The following ARFGEF3 variants were observed in gnomAD, a reference collection of about 807,000 sequenced individuals.
The protein encoded by ARFGEF3 is brefeldin A-inhibited guanine nucleotide-exchange protein 3.
ARFGEF3 carries 96 observed loss-of-function variants against 221.7 expected under a neutral mutation model. The observed-to-expected ratio is 0.43, with a 90% CI of 0.37 to 0.51. ARFGEF3 has a LOEUF of 0.51. Ranked by LOEUF, ARFGEF3 falls within the 20% of genes least tolerant of loss-of-function variation. ARFGEF3 has a pLI of 0.00. For synonymous variants in ARFGEF3, 1,145 were observed against 1,126.8 expected (o/e 1.02, Z -0.32); for missense variants, 2,410 against 2,789.9 (o/e 0.86, Z 3.07).
intron 8 of ARFGEF3, among the ~76,000 whole-genome samples, chr6:138,248,572 ATGGTAG>A (rs1778527604): frequency 6.6e-6 from 1 of 152,208 alleles, no homozygotes; most frequent in Admixed American, 6.5e-5. Context: ...GGAGAGGCTC[ATGGTAG>A]TTATGCCAGT....
intron 22 of ARFGEF3, among the ~76,000 whole-genome samples, chr6:138,300,967 T>C (rs534461661): frequency 6.6e-6 from 1 of 152,296 alleles, no homozygotes; most frequent in African/African-American, 2.4e-5. Context: ...GGTGCAACGT[T>C]TGCATTCAAT....
chr6:138,200,873 G>T (rs555103214), intron 2 of ARFGEF3, among the ~76,000 whole-genome samples: 37 of 152,294 alleles, frequency 2.4e-4, no homozygotes, highest in African/African-American at 8.7e-4. Context: ...GGAATAGTCA[G>T]CAGAGTAAAC....
chr6:138,318,913 G>A (rs1779972650), intron 27 of ARFGEF3, among the ~76,000 whole-genome samples: 1 of 152,104 alleles, frequency 6.6e-6, no homozygotes, highest in South Asian at 2.1e-4. Flanking sequence ...AATAGTATGT[G>A]GCAATAAAAA....
At chr6:138,177,056 A>ACTTT (rs1265593352) in intron 2 of ARFGEF3, among the ~76,000 whole-genome samples, 2 of 143,630 alleles carry the variant, frequency 1.4e-5, no homozygotes, top group Non-Finnish European at 3.1e-5. Flanking sequence ...TTTCACTTTT[A>ACTTT]CTTTATTTAT....
Position 138,262,730 on chromosome 6 carries a change from T to G in ARFGEF3, c.1247T>G (p.Ile416Ser). 1.9e-6 allele frequency: 3 copies of G among 1,609,336 alleles called. No homozygotes were observed. The highest frequency in any genetic ancestry group is 2.6e-6 in the Non-Finnish European group (3 of 1,176,012). ...LIMDGMTEAC[I>S]KGGIEACYAA... is the part of the protein sequence containing the mutation. ...ATGGATGGCATGACCGAAGCATGCATCAAGGGTGGCATCGAAGCTTGCTAT... is the reference window on the plus strand; with the variant it reads ...ATGGATGGCATGACCGAAGCATGCAGCAAGGGTGGCATCGAAGCTTGCTAT... The change falls in exon 12 of 34, where the codon ATC becomes AGC. Residue 416 changes from isoleucine to serine, a missense_variant. Ile to Ser is a moderately radical substitution (Grantham distance 142). This residue lies in a region of ARFGEF3 where 570 missense variants were observed against 586.9 expected (regional missense o/e 0.97). Coordinates refer to ENST00000251691, the MANE Select transcript of ARFGEF3 (RefSeq NM_020340.5).
intron 2 of ARFGEF3, among the ~76,000 whole-genome samples, chr6:138,178,794 C>T (rs977112313): frequency 6.6e-6 from 1 of 152,172 alleles, no homozygotes; most frequent in Non-Finnish European, 1.5e-5. Context: ...AATGGAATCT[C>T]AGCTTTGGCA....
intron 2 of ARFGEF3, among the ~76,000 whole-genome samples, chr6:138,178,801 G>A (rs1210928215): frequency 6.6e-6 from 1 of 152,102 alleles, no homozygotes; most frequent in African/African-American, 2.4e-5. Flanking sequence ...TCTCAGCTTT[G>A]GCAATAGGAC....
chr6:138,244,517 G>A (rs1434877406), intron 7 of ARFGEF3, among the ~76,000 whole-genome samples: 2 of 152,208 alleles, frequency 1.3e-5, no homozygotes, highest in Non-Finnish European at 1.5e-5. Context: ...AGCAGTTTTC[G>A]ATATGTAGTT....
At chr6:138,270,479 C>T (rs1778985131) in intron 12 of ARFGEF3, among the ~76,000 whole-genome samples, 1 of 134,298 alleles carries the variant, frequency 7.4e-6, no homozygotes, top group Non-Finnish European at 1.7e-5. Flanking sequence ...TATATCTGGG[C>T]TCTAGCCATT....
At chr6:138,246,204 A>T (rs1778484374) in intron 8 of ARFGEF3, among the ~76,000 whole-genome samples, 1 of 152,152 alleles carries the variant, frequency 6.6e-6, no homozygotes, top group African/African-American at 2.4e-5. Context: ...CCTGTAGTAA[A>T]GCCAAATCAT....
At position 138,177,684 on chromosome 6, in the gene ARFGEF3, G is replaced by T. The variant is rs181739405; in HGVS notation, c.137+6971G>T. Among the ~76,000 whole-genome samples, 31 of 151,792 alleles carry T rather than the reference G, an allele frequency of 2.0e-4. No homozygotes were observed. The East Asian group carries it at 4.9e-3, about 24-fold the overall frequency. On this transcript the variant is annotated intron_variant, in intron 2 of 33. Coordinates refer to ENST00000251691, the MANE Select transcript of ARFGEF3 (RefSeq NM_020340.5). ...GTTCATTCTTTTTTCCTTATATTTT[G>T]CCTCACTGTATTATTTCAAAAGACC...
At chr6:138,171,676 T>G (rs1776837431) in intron 2 of ARFGEF3, among the ~76,000 whole-genome samples, 1 of 152,204 alleles carries the variant, frequency 6.6e-6, no homozygotes, top group Non-Finnish European at 1.5e-5. Context: ...TGATAACAGT[T>G]TAATAGATTT....
chr6:138,316,842 G>A (rs527714072), intron 26 of ARFGEF3, among the ~76,000 whole-genome samples: 26 of 152,274 alleles, frequency 1.7e-4, no homozygotes, highest in Admixed American at 2.6e-4. Flanking sequence ...AATTGTACTC[G>A]TAGAAATGGC....
At position 138,291,199 on chromosome 6, in the gene ARFGEF3, G is replaced by A. The variant is rs1779397960; in HGVS notation, c.3048-534G>A. On this transcript the variant is annotated intron_variant, in intron 18 of 33. Transcript: ENST00000251691. This position sits in a 1 kb window ranked among gnomAD's most constrained non-coding sequence, Gnocchi z 4.5. ...TCGGTGACTGCCCTCCCACCCGGCCGCCACCCACCCCACCCAGACTTGAGT... is the reference window on the plus strand; with the variant it reads ...TCGGTGACTGCCCTCCCACCCGGCCACCACCCACCCCACCCAGACTTGAGT... Among the ~76,000 whole-genome samples, 2 of 152,202 alleles carry A rather than the reference G, an allele frequency of 1.3e-5. No homozygotes were observed. The highest frequency in any genetic ancestry group is 3.4e-3 in the Middle Eastern group (1 of 294).
intron 12 of ARFGEF3, among the ~76,000 whole-genome samples, chr6:138,276,262 T>G (rs1168972837): frequency 6.6e-6 from 1 of 152,184 alleles, no homozygotes; most frequent in Non-Finnish European, 1.5e-5. Context: ...CCTGAAGGCC[T>G]GGAAATGCCT....
At chr6:138,257,044 C>A (rs1477512731) in intron 10 of ARFGEF3, among the ~76,000 whole-genome samples, 2 of 152,152 alleles carry the variant, frequency 1.3e-5, no homozygotes, top group Non-Finnish European at 2.9e-5. Context: ...AAAGTGCTAG[C>A]ATTACAGGTG....
chr6:138,266,072 C>T (rs1778886858), intron 12 of ARFGEF3, among the ~76,000 whole-genome samples: 1 of 151,910 alleles, frequency 6.6e-6, no homozygotes, highest in South Asian at 2.1e-4. Flanking sequence ...AAAAATTAGC[C>T]AAGCATGGTA....
chr6:138,180,367 T>C (rs117310657), intron 2 of ARFGEF3, among the ~76,000 whole-genome samples: 2,069 of 152,360 alleles, frequency 0.014, 32 homozygotes, highest in Middle Eastern at 0.058. Context: ...CTTGTGCTAA[T>C]GAATGGAGGA....
At chr6:138,232,265 G>C (rs1047345621) in intron 5 of ARFGEF3, among the ~76,000 whole-genome samples, 1 of 152,122 alleles carries the variant, frequency 6.6e-6, no homozygotes, top group Non-Finnish European at 1.5e-5. Flanking sequence ...CCAGCACTTT[G>C]GGAGGCCGAG....
Sources: allele counts gnomAD v4.1 joint callset (sites outside exome capture counted in the v4.1 genomes callset), GRCh38; gene constraint gnomAD v4.1.1; regional missense constraint gnomAD v4.1.1; non-coding constraint Gnocchi (gnomAD v3.1); transcripts MANE v1.5; gene names NCBI Gene and HGNC (gene_info 2026-07-23, HGNC 2026-07-21).